Variants in NHS observed in about 807,000 individuals in gnomAD.
NHS encodes actin remodeling regulator NHS.
Under a neutral mutation model 72.5 loss-of-function variants are expected in NHS, and 5 were observed. The observed-to-expected ratio is 0.07, with a 90% CI of 0.04 to 0.14. NHS has a LOEUF of 0.14. Among genes scored for constraint, NHS ranks in the 10% least tolerant of loss-of-function variants. The pLI, the probability that NHS is intolerant of heterozygous loss-of-function variation, is 1.00. For synonymous variants in NHS, 464 were observed against 547.7 expected (o/e 0.85, Z 2.13); for missense variants, 1,072 against 1,355.7 (o/e 0.79, Z 3.29).
At chrX:17,425,294 G>A (rs771891735) in intron 1 of NHS, among the ~76,000 whole-genome samples, 2 of 110,258 alleles carry the variant, frequency 1.8e-5, no homozygotes, top group African/African-American at 3.3e-5. Flanking sequence ...AAAAATGTCC[G>A]TTACATATTC....
At chrX:17,459,893 A>T (rs2064840187) in intron 1 of NHS, among the ~76,000 whole-genome samples, 1 of 112,343 alleles carries the variant, frequency 8.9e-6, no homozygotes, top group Admixed American at 9.4e-5. Context: ...CAATATAATA[A>T]AATATAGCTT....
intron 1 of NHS, among the ~76,000 whole-genome samples, chrX:17,522,123 T>C (rs1406740847): frequency 8.9e-6 from 1 of 112,459 alleles, no homozygotes; most frequent in Non-Finnish European, 1.9e-5. Flanking sequence ...GCCACAGCCA[T>C]GTCCAGCTAC....
intron 1 of NHS, among the ~76,000 whole-genome samples, chrX:17,385,741 A>G (rs992468941): frequency 8.9e-6 from 1 of 111,880 alleles, no homozygotes; most frequent in Non-Finnish European, 1.9e-5. Context: ...AATCTCATAC[A>G]AACAGTTTCC....
intron 1 of NHS, among the ~76,000 whole-genome samples, chrX:17,378,797 C>A (rs2064360122): frequency 8.9e-6 from 1 of 112,032 alleles, no homozygotes; most frequent in Admixed American, 9.4e-5. Context: ...GCTTCTTCTT[C>A]CCACAGATGG....
intron 1 of NHS, among the ~76,000 whole-genome samples, chrX:17,420,635 C>T (rs2064618616): frequency 8.9e-6 from 1 of 112,029 alleles, no homozygotes; most frequent in Non-Finnish European, 1.9e-5. Context: ...TGCTGAAGGC[C>T]TTTGATGGTC....
intron 1 of NHS, among the ~76,000 whole-genome samples, chrX:17,554,795 T>G (rs1230708840): frequency 8.9e-6 from 1 of 112,210 alleles, no homozygotes; most frequent in Non-Finnish European, 1.9e-5. Context: ...ACTGGAAGAC[T>G]CATGTTTATT....
At chrX:17,575,083 T>C (rs927058914) in intron 1 of NHS, among the ~76,000 whole-genome samples, 2 of 112,719 alleles carry the variant, frequency 1.8e-5, no homozygotes, top group Non-Finnish European at 3.8e-5. Context: ...TACGTACTCC[T>C]ACCTGGACCA....
At chrX:17,524,657 G>A (rs2065164589) in intron 1 of NHS, among the ~76,000 whole-genome samples, 1 of 112,239 alleles carries the variant, frequency 8.9e-6, no homozygotes, top group Non-Finnish European at 1.9e-5. Context: ...CAGTTGGAAT[G>A]CTATATAGGC....
intron 1 of NHS, among the ~76,000 whole-genome samples, chrX:17,395,331 G>A (rs773766259): frequency 4.4e-5 from 5 of 112,408 alleles, no homozygotes; most frequent in South Asian, 7.4e-4. Context: ...AAGTTAACAC[G>A]TGTATTTGGG....
intron 1 of NHS, among the ~76,000 whole-genome samples, chrX:17,415,145 ATCTG>A (rs772566653): frequency 8.9e-6 from 1 of 111,760 alleles, no homozygotes; most frequent in East Asian, 2.8e-4. Context: ...CACTGGCTCT[ATCTG>A]TCTGGCTCCT....
At chrX:17,589,146 G>A (rs1483279868) in intron 1 of NHS, among the ~76,000 whole-genome samples, 1 of 111,524 alleles carries the variant, frequency 9.0e-6, no homozygotes, top group African/African-American at 3.3e-5. Flanking sequence ...AATACATGAA[G>A]TTTTATTTTT....
At chrX:17,700,812 G>T (rs750745443) in intron 3 of NHS, among the ~76,000 whole-genome samples, 123 of 111,687 alleles carry the variant, frequency 1.1e-3, no homozygotes, top group Admixed American at 3.1e-3. Flanking sequence ...AGACCTTTAT[G>T]AACTGATAAG....
intron 1 of NHS, among the ~76,000 whole-genome samples, chrX:17,641,655 C>A (rs1159614225): frequency 9.0e-6 from 1 of 110,604 alleles, no homozygotes; most frequent in African/African-American, 3.3e-5. Context: ...ACCTCTCTAT[C>A]TTTAAAGTGT....
At chrX:17,568,352 A>AT (rs1372450531) in intron 1 of NHS, among the ~76,000 whole-genome samples, 1 of 112,027 alleles carries the variant, frequency 8.9e-6, no homozygotes, top group Non-Finnish European at 1.9e-5. Context: ...GGTTTGCCAT[A>AT]TGTAAGATCA....
chrX:17,565,051 CTGACTTTG>C (rs200241852), intron 1 of NHS, among the ~76,000 whole-genome samples: 3,030 of 108,976 alleles, frequency 0.028, 107 homozygotes, highest in African/African-American at 0.072. Flanking sequence ...TGAATCTGGG[CTGACTTTG>C]TGACTTGCTT....
chrX:17,559,199 A>G (rs1437767364), intron 1 of NHS, among the ~76,000 whole-genome samples: 1 of 112,040 alleles, frequency 8.9e-6, no homozygotes, highest in African/African-American at 3.2e-5. Context: ...TTAGTAGAGG[A>G]GAGGAGCTAG....
intron 1 of NHS, among the ~76,000 whole-genome samples, chrX:17,663,783 C>T (rs2065994359): frequency 9.0e-6 from 1 of 111,677 alleles, no homozygotes; most frequent in Non-Finnish European, 1.9e-5. Flanking sequence ...TTATAAGAAA[C>T]TGGCAGAGAT....
At chrX:17,645,932 A>G (rs754243364) in intron 1 of NHS, among the ~76,000 whole-genome samples, 15 of 111,609 alleles carry the variant, frequency 1.3e-4, no homozygotes, top group Non-Finnish European at 7.5e-5. Flanking sequence ...TTTTATGTAT[A>G]TATGTATGTA....
chrX:17,384,399 A>G (rs1490819739), intron 1 of NHS, among the ~76,000 whole-genome samples: 2 of 112,348 alleles, frequency 1.8e-5, no homozygotes, highest in Non-Finnish European at 3.8e-5. Flanking sequence ...TTAATAATTC[A>G]TGGTTGTAAT....
Sources: gnomAD v4.1 joint callset for allele counts (sites outside exome capture counted in the v4.1 genomes callset) on GRCh38, gnomAD v4.1.1 for gene constraint, MANE v1.5 for transcripts, NCBI Gene and HGNC (gene_info 2026-07-23, HGNC 2026-07-21) for gene names.